Variants in PTPRD observed in about 807,000 individuals in gnomAD.
PTPRD encodes the protein protein tyrosine phosphatase receptor type D.
A neutral mutation model predicts 214.5 loss-of-function variants in PTPRD; 34 were observed. The ratio of observed to expected loss-of-function variants is 0.16; its 90% CI spans 0.12 to 0.21. The LOEUF is 0.21. Ranked by LOEUF, PTPRD falls within the 10% of genes least tolerant of loss-of-function variation. The probability of loss-of-function intolerance (pLI) is 1.00; values close to 1 mark genes in which losing one functional copy is unlikely to be tolerated. For synonymous variants in PTPRD, 1,128 were observed against 845.7 expected (o/e 1.33, Z -5.79); for missense variants, 2,545 against 2,398.7 (o/e 1.06, Z -1.27).
At chr9:8,336,541 A>C (rs1451141886) in intron 43 of PTPRD, among the ~76,000 whole-genome samples, 1 of 150,654 alleles carries the variant, frequency 6.6e-6, no homozygotes, top group Non-Finnish European at 1.5e-5. Flanking sequence ...ATACACAAAG[A>C]CTTCAGGACT....
chr9:8,373,615 GTGT>G (rs1564364133), intron 39 of PTPRD, among the ~76,000 whole-genome samples: 149 of 31,354 alleles, frequency 4.8e-3, no homozygotes, highest in South Asian at 6.0e-3. Flanking sequence ...GGATGCGGGT[GTGT>G]GTGTGTGTGT....
At chr9:9,798,034 C>T (rs973999147) in intron 5 of PTPRD, among the ~76,000 whole-genome samples, 6 of 151,928 alleles carry the variant, frequency 3.9e-5, no homozygotes, top group Admixed American at 1.3e-4. Flanking sequence ...AGTCAAAAGA[C>T]GATTGGAACC....
intron 3 of PTPRD, among the ~76,000 whole-genome samples, chr9:10,305,652 C>G (rs2154411100): frequency 6.6e-6 from 1 of 152,126 alleles, no homozygotes; most frequent in Non-Finnish European, 1.5e-5. Flanking sequence ...ATTTATGCAG[C>G]CAACAAACAT....
intron 3 of PTPRD, among the ~76,000 whole-genome samples, chr9:10,111,229 CTTTTTTTTTTTTTTT>C (rs34045121): frequency 4.2e-5 from 3 of 72,192 alleles, no homozygotes; most frequent in South Asian, 6.9e-4. Context: ...AGTTTAGTTT[CTTTTTTTTTTTTTTT>C]TTTTTTTTTT....
intron 5 of PTPRD, among the ~76,000 whole-genome samples, chr9:9,854,162 G>A (rs1247993593): frequency 1.3e-5 from 2 of 152,006 alleles, no homozygotes; most frequent in African/African-American, 2.4e-5. Flanking sequence ...ACTCTAACCT[G>A]CTATTTACAT....
At chr9:9,088,062 A>G (rs1487397528) in intron 10 of PTPRD, among the ~76,000 whole-genome samples, 2 of 150,932 alleles carry the variant, frequency 1.3e-5, no homozygotes, top group Admixed American at 6.6e-5. Context: ...TTGTATTTTT[A>G]GTAGACACGG....
At chr9:10,312,889 G>A (rs2096306887) in intron 3 of PTPRD, among the ~76,000 whole-genome samples, 1 of 151,814 alleles carries the variant, frequency 6.6e-6, no homozygotes, top group Non-Finnish European at 1.5e-5. Context: ...TTGTCATCTA[G>A]ATTACTTTTT....
intron 3 of PTPRD, among the ~76,000 whole-genome samples, chr9:10,159,644 T>C (rs1452769961): frequency 1.3e-5 from 2 of 151,844 alleles, no homozygotes; most frequent in African/African-American, 2.4e-5. Context: ...ATTTATCAGA[T>C]AAATTATAAG....
intron 5 of PTPRD, among the ~76,000 whole-genome samples, chr9:9,850,766 T>C (rs750692017): frequency 6.6e-6 from 1 of 152,178 alleles, no homozygotes. Context: ...GTCCTACATA[T>C]TTTTGAATTT....
At chr9:8,560,053 C>A (rs758439290) in intron 14 of PTPRD, among the ~76,000 whole-genome samples, 10 of 152,270 alleles carry the variant, frequency 6.6e-5, no homozygotes, top group South Asian at 2.1e-4. Flanking sequence ...GATCGCAGAA[C>A]ATCAAGGGAG....
At chr9:8,591,334 G>A (rs1481240749) in intron 14 of PTPRD, among the ~76,000 whole-genome samples, 1 of 152,120 alleles carries the variant, frequency 6.6e-6, no homozygotes, top group Non-Finnish European at 1.5e-5. Context: ...CCACAACCAA[G>A]AATAATGAAA....
At chr9:9,238,350 G>A (rs992923010) in intron 9 of PTPRD, among the ~76,000 whole-genome samples, 4 of 152,120 alleles carry the variant, frequency 2.6e-5, no homozygotes, top group Non-Finnish European at 5.9e-5. Flanking sequence ...GACAAGAGAT[G>A]CAGTTTTAAA....
chr9:8,440,244 C>A (rs1390284777), intron 34 of PTPRD, among the ~76,000 whole-genome samples: 1 of 151,952 alleles, frequency 6.6e-6, no homozygotes, highest in Non-Finnish European at 1.5e-5. Context: ...TGAAGCACAG[C>A]TAACAAACAG....
At chr9:8,942,258 T>G (rs28458967) in intron 11 of PTPRD, among the ~76,000 whole-genome samples, 9,895 of 152,258 alleles carry the variant, frequency 0.065, 751 homozygotes, top group African/African-American at 0.18. Context: ...ACTTTAACAA[T>G]ATACTTTTTT....
chr9:8,383,732 C>T (rs953440861), intron 37 of PTPRD, among the ~76,000 whole-genome samples: 3 of 152,188 alleles, frequency 2.0e-5, no homozygotes, highest in Non-Finnish European at 2.9e-5. Flanking sequence ...CACTCCCCAT[C>T]TCCAACATTT....
chr9:9,395,217 G>A (rs746255577), intron 9 of PTPRD, among the ~76,000 whole-genome samples: 21 of 151,332 alleles, frequency 1.4e-4, no homozygotes, highest in Non-Finnish European at 2.4e-4. Flanking sequence ...GGGTCTAATA[G>A]GTCCTTGCTA....
chr9:9,613,062 A>G (rs1302132647), intron 7 of PTPRD, among the ~76,000 whole-genome samples: 2 of 147,506 alleles, frequency 1.4e-5, no homozygotes, highest in Non-Finnish European at 3.0e-5. Context: ...CCTTCTGAAC[A>G]AAGTCTCATG....
chr9:8,843,312 T>C (rs1035857782), intron 11 of PTPRD, among the ~76,000 whole-genome samples: 10 of 152,232 alleles, frequency 6.6e-5, no homozygotes, highest in African/African-American at 2.4e-4. Flanking sequence ...TCACTTTCCT[T>C]GAGAAGGTAT....
intron 14 of PTPRD, among the ~76,000 whole-genome samples, chr9:8,597,521 A>G (rs2094539852): frequency 6.6e-6 from 1 of 152,208 alleles, no homozygotes. Flanking sequence ...AACAAAAAAA[A>G]GGAGAAAATA....
Sources: gnomAD v4.1 joint callset for allele counts (sites outside exome capture counted in the v4.1 genomes callset) on GRCh38, gnomAD v4.1.1 for gene constraint, MANE v1.5 for transcripts, NCBI Gene and HGNC (gene_info 2026-07-23, HGNC 2026-07-21) for gene names.